TRIM42: variants seen among roughly 807,000 people sequenced by gnomAD.
The protein encoded by TRIM42 is tripartite motif containing 42.
A neutral mutation model predicts 64.9 loss-of-function variants in TRIM42; 59 were observed. The ratio of observed to expected loss-of-function variants is 0.91; its 90% confidence interval spans 0.74 to 1.13. TRIM42 has a LOEUF of 1.13. Among genes scored for constraint, TRIM42 ranks in the 50% most tolerant of loss-of-function variants. TRIM42 has a pLI of 0.00. For synonymous variants in TRIM42, 354 were observed against 346.3 expected (o/e 1.02, Z -0.25); for missense variants, 878 against 929.5 (o/e 0.94, Z 0.72).
Position 140,701,036 on chromosome 3 carries a change from T to G in TRIM42, c.*62T>G. On this transcript the variant is annotated 3_prime_UTR_variant, in exon 5 of 5. Coordinates refer to ENST00000286349, the MANE Select transcript of TRIM42 (RefSeq NM_152616.5). ...CAAAGTAGACATATACACACACATA[T>G]ATGTATGTATATTTTTCTCACCACA... 7.2e-7 allele frequency: 1 copy of G among 1,388,766 alleles called. No homozygotes were observed. Among genetic ancestry groups the G allele is most frequent in the Non-Finnish European group, 1.0e-6 (1 of 1,001,488 alleles). The allele number at this position is 1,388,766 out of a possible 1,614,324, so 86.0% of individuals were successfully genotyped here. A position where few individuals can be genotyped will look rare whatever the true frequency, so the allele number is the denominator to read the frequency against.
intron 3 of TRIM42, 57 bp from the exon 4 acceptor site, chr3:140,690,911 A>G (rs1988692696): frequency 7.0e-7 from 1 of 1,421,964 alleles, no homozygotes; most frequent in African/African-American, 1.4e-5. Flanking sequence ...TCTTTAAGGG[A>G]AAGAAAGCTG....
At chr3:140,697,461 T>C in intron 4 of TRIM42, among the ~76,000 whole-genome samples, 1 of 152,232 alleles carries the variant, frequency 6.6e-6, no homozygotes, top group African/African-American at 2.4e-5. Context: ...TTTTATTAAA[T>C]TTACAGTTTC....
intron 2 of TRIM42, among the ~76,000 whole-genome samples, chr3:140,684,096 T>C (rs533791876): frequency 4.3e-4 from 65 of 152,270 alleles, no homozygotes; most frequent in Admixed American, 7.8e-4. Flanking sequence ...GTTCTTTGTA[T>C]AAAGGTCCAC....
intron 1 of TRIM42, among the ~76,000 whole-genome samples, chr3:140,681,647 G>A (rs375137876): frequency 1.3e-5 from 2 of 149,422 alleles, no homozygotes; most frequent in Non-Finnish European, 1.5e-5. Flanking sequence ...TGTCCTCCAG[G>A]AAAAAAAAAA....
chr3:140,687,180 G>T (rs961782318), intron 2 of TRIM42, among the ~76,000 whole-genome samples: 1 of 152,134 alleles, frequency 6.6e-6, no homozygotes, highest in East Asian at 1.9e-4. Context: ...GGACAAAGGG[G>T]GGAAAAGGGC....
At chr3:140,688,585 G>A (rs1460406263) in intron 3 of TRIM42, 43 bp downstream of exon 3, 16 of 1,517,662 alleles carry the variant, frequency 1.1e-5, no homozygotes, top group Non-Finnish European at 1.3e-5. Context: ...GGAGGGTGTG[G>A]GGCACAGAGT....
intron 1 of TRIM42, among the ~76,000 whole-genome samples, chr3:140,679,842 C>T (rs1156793495): frequency 1.3e-5 from 2 of 152,006 alleles, no homozygotes; most frequent in Admixed American, 6.5e-5. Flanking sequence ...ATTGAAGTCA[C>T]CTGAGGATCT....
chr3:140,678,618 AG>A, intron 1 of TRIM42, 48 bp downstream of exon 1: 1 of 1,506,408 alleles, frequency 6.6e-7, no homozygotes. Flanking sequence ...CATGAAAACT[AG>A]GGACCACTTG....
intron 4 of TRIM42, among the ~76,000 whole-genome samples, chr3:140,700,041 A>G (rs1199365767): frequency 1.3e-5 from 2 of 152,182 alleles, no homozygotes; most frequent in African/African-American, 4.8e-5. Context: ...TCACCTCAGC[A>G]GAGCCCATTG....
Position 140,701,038 on chromosome 3 carries a change from T to G in TRIM42, c.*64T>G, listed in dbSNP as rs1988987380. 4 of 1,395,962 alleles carry G rather than the reference T, an allele frequency of 2.9e-6. No homozygotes were observed. The highest frequency in any genetic ancestry group is 4.0e-6 in the Non-Finnish European group (4 of 1,007,694). 86.5% of individuals were successfully genotyped at this position (1,395,962 alleles called of 1,614,324 possible). A position where few individuals can be genotyped will look rare whatever the true frequency, so the allele number is the denominator to read the frequency against. On this transcript the variant is annotated 3_prime_UTR_variant, in exon 5 of 5. Transcript: ENST00000286349. ...AAGTAGACATATACACACACATATA[T>G]GTATGTATATTTTTCTCACCACATT...
At chr3:140,682,325 C>T in intron 1 of TRIM42, 137 bp from the exon 2 acceptor site, 1 of 783,516 alleles carries the variant, frequency 1.3e-6, no homozygotes, top group South Asian at 1.9e-5. Context: ...AGAACGCAGG[C>T]ACCTTAGCGC....
chr3:140,690,550 T>TATATATAC (rs1988679320), intron 3 of TRIM42, among the ~76,000 whole-genome samples: 1 of 20,392 alleles, frequency 4.9e-5, no homozygotes, highest in Non-Finnish European at 1.7e-4. Flanking sequence ...TATATATATA[T>TATATATAC]ATATATATAT....
chr3:140,690,746 C>T (rs1239298241), intron 3 of TRIM42, among the ~76,000 whole-genome samples: 1 of 151,732 alleles, frequency 6.6e-6, no homozygotes, highest in African/African-American at 2.4e-5. Flanking sequence ...AGTAACAGAA[C>T]GGAAACCTTC....
At chr3:140,698,468 T>C (rs1320887888) in intron 4 of TRIM42, among the ~76,000 whole-genome samples, 2 of 152,188 alleles carry the variant, frequency 1.3e-5, no homozygotes, top group Non-Finnish European at 2.9e-5. Context: ...ATTGTATTGA[T>C]AGAAAATTTG....
intron 1 of TRIM42, among the ~76,000 whole-genome samples, chr3:140,680,415 C>T (rs1224984815): frequency 2.0e-5 from 3 of 152,082 alleles, no homozygotes; most frequent in Admixed American, 1.3e-4. Flanking sequence ...AACACAGCTC[C>T]CTAGGCCATT....
rs765831010 is a variant in TRIM42 at position 140,678,414 on chromosome 3, A to C, written c.185A>C (p.Asn62Thr). The stretch of plus-strand genomic sequence containing the variant: ...CACTGCACCTGTTCTGAGAGCCCCA[A>C]CTGCCATTGGTGTTGCTGCTCTTGG... ...FCHCTCSESPNCHWCCCSWAN... is the reference protein window; with the variant it reads ...FCHCTCSESPTCHWCCCSWAN... Residue 62 changes from asparagine to threonine, a missense_variant, in exon 1 of 5, where the codon AAC (asparagine) becomes ACC (threonine). By Grantham distance (65) the Asn-to-Thr change is moderately conservative. Coordinates refer to ENST00000286349, the MANE Select transcript of TRIM42 (RefSeq NM_152616.5). The C allele has an allele frequency of 1.2e-6, 2 of 1,614,116 alleles. No individual in the cohort carries two copies. Among genetic ancestry groups the C allele is most frequent in the Non-Finnish European group, 1.7e-6 (2 of 1,180,016 alleles).
intron 2 of TRIM42, 62 bp downstream of exon 2, chr3:140,683,221 C>A (rs1988462501): frequency 6.5e-7 from 1 of 1,549,448 alleles, no homozygotes; most frequent in South Asian, 1.2e-5. Flanking sequence ...GGGAAGATGG[C>A]GTGGGGTAAT....
At chr3:140,683,298 T>C in intron 2 of TRIM42, 139 bp downstream of exon 2, 1 of 886,366 alleles carries the variant, frequency 1.1e-6, no homozygotes. Flanking sequence ...AACACTGTGC[T>C]ACCCTGCAAG....
intron 4 of TRIM42, among the ~76,000 whole-genome samples, chr3:140,692,349 T>A (rs1988738789): frequency 1.3e-5 from 2 of 152,062 alleles, no homozygotes; most frequent in Admixed American, 1.3e-4. Flanking sequence ...AGTAAAATGT[T>A]CGAGGAAAAG....
Sources: gnomAD v4.1 joint callset for allele counts (sites outside exome capture counted in the v4.1 genomes callset) on GRCh38, gnomAD v4.1.1 for gene constraint, MANE v1.5 for transcripts, NCBI Gene and HGNC (gene_info 2026-07-23, HGNC 2026-07-21) for gene names.